CDH13: variants seen among roughly 807,000 people sequenced by gnomAD.
The protein encoded by CDH13 is cadherin 13.
Under a neutral mutation model 63.8 loss-of-function variants are expected in CDH13, and 24 were observed. The ratio of observed to expected loss-of-function variants is 0.38; its 90% CI spans 0.27 to 0.53. CDH13 has a LOEUF of 0.53. Ranked by LOEUF, CDH13 falls within the 20% of genes least tolerant of loss-of-function variation. CDH13 has a pLI of 0.85. For synonymous variants in CDH13, 503 were observed against 355.3 expected (o/e 1.42, Z -4.67); for missense variants, 1,049 against 903.1 (o/e 1.16, Z -2.07).
chr16:83,212,789 C>T (rs2151780951), intron 4 of CDH13, among the ~76,000 whole-genome samples: 1 of 152,244 alleles, frequency 6.6e-6, no homozygotes, highest in South Asian at 2.1e-4. Context: ...AGCAATTCTC[C>T]CCCTACCCTG....
intron 7 of CDH13, among the ~76,000 whole-genome samples, chr16:83,572,118 A>G (rs1338193840): frequency 6.6e-6 from 1 of 151,930 alleles, no homozygotes; most frequent in Non-Finnish European, 1.5e-5. Flanking sequence ...ATTTATTTTT[A>G]CAGTCATCAT....
At chr16:82,963,595 T>C (rs899067889) in intron 2 of CDH13, among the ~76,000 whole-genome samples, 21 of 152,258 alleles carry the variant, frequency 1.4e-4, no homozygotes, top group Admixed American at 7.8e-4. Flanking sequence ...TATAACTCAT[T>C]CTGTAATGAT....
At chr16:83,317,628 C>G (rs982397901) in intron 5 of CDH13, among the ~76,000 whole-genome samples, 2 of 151,990 alleles carry the variant, frequency 1.3e-5, no homozygotes, top group South Asian at 4.2e-4. Flanking sequence ...TGGTGAAACC[C>G]CATCTCTGCT....
chr16:82,845,626 A>G (rs1351253260), intron 1 of CDH13, among the ~76,000 whole-genome samples: 1 of 152,302 alleles, frequency 6.6e-6, no homozygotes, highest in Non-Finnish European at 1.5e-5. Context: ...AGTGCCTGCC[A>G]CATGGTAGGC....
chr16:83,292,266 A>G (rs891632303), intron 5 of CDH13, among the ~76,000 whole-genome samples: 2 of 151,970 alleles, frequency 1.3e-5, no homozygotes, highest in African/African-American at 2.4e-5. Flanking sequence ...GCACAGTGGG[A>G]CTCTTAGAAG....
intron 5 of CDH13, among the ~76,000 whole-genome samples, chr16:83,238,819 T>C (rs572268731): frequency 2.0e-5 from 3 of 152,278 alleles, no homozygotes; most frequent in East Asian, 3.9e-4. Flanking sequence ...TATATGAAAA[T>C]ATCTCCAAGT....
intron 3 of CDH13, among the ~76,000 whole-genome samples, chr16:83,092,861 A>G (rs1259720113): frequency 6.6e-6 from 1 of 152,204 alleles, no homozygotes; most frequent in African/African-American, 2.4e-5. Context: ...CTCAGTAACT[A>G]TGTGGGTGAA....
chr16:82,765,820 A>G (rs1355621540), intron 1 of CDH13, among the ~76,000 whole-genome samples: 1 of 152,162 alleles, frequency 6.6e-6, no homozygotes, highest in Non-Finnish European at 1.5e-5. Flanking sequence ...ACATAGGACC[A>G]GGCCCTGTAA....
chr16:83,250,665 G>C (rs1905417141), intron 5 of CDH13, among the ~76,000 whole-genome samples: 1 of 152,136 alleles, frequency 6.6e-6, no homozygotes, highest in Non-Finnish European at 1.5e-5. Context: ...AGTGAAATAA[G>C]GGAGATAGGA....
chr16:83,205,765 C>A (rs539192879), intron 4 of CDH13, among the ~76,000 whole-genome samples: 1 of 152,024 alleles, frequency 6.6e-6, no homozygotes, highest in East Asian at 1.9e-4. Flanking sequence ...CCACCACACC[C>A]AGTTAATTTT....
intron 11 of CDH13, among the ~76,000 whole-genome samples, chr16:83,769,620 A>G (rs1597206200): frequency 6.6e-6 from 1 of 152,190 alleles, no homozygotes; most frequent in East Asian, 1.9e-4. Flanking sequence ...GAGTTGGCAT[A>G]CAGTTGAGTT....
At chr16:83,277,402 C>G (rs928745074) in intron 5 of CDH13, among the ~76,000 whole-genome samples, 2 of 152,144 alleles carry the variant, frequency 1.3e-5, no homozygotes, top group African/African-American at 4.8e-5. Flanking sequence ...ATAAGGATCT[C>G]TTTCTGTGGG....
chr16:82,677,551 T>A (rs1425106813), intron 1 of CDH13, among the ~76,000 whole-genome samples: 1 of 151,242 alleles, frequency 6.6e-6, no homozygotes, highest in Non-Finnish European at 1.5e-5. Context: ...AAATTACTGC[T>A]GTGTAGATAA....
At chr16:83,096,678 G>T (rs1397187792) in intron 3 of CDH13, among the ~76,000 whole-genome samples, 1 of 152,170 alleles carries the variant, frequency 6.6e-6, no homozygotes, top group African/African-American at 2.4e-5. Context: ...AACTCCCTTG[G>T]ACTGAGTGCA....
intron 2 of CDH13, among the ~76,000 whole-genome samples, chr16:82,980,789 T>G (rs889241556): frequency 5.9e-5 from 9 of 152,314 alleles, no homozygotes; most frequent in African/African-American, 2.2e-4. Context: ...TGGTCCTCAT[T>G]TTTCAACACA....
intron 2 of CDH13, among the ~76,000 whole-genome samples, chr16:82,907,937 A>T (rs922865553): frequency 3.9e-5 from 6 of 152,016 alleles, no homozygotes; most frequent in Non-Finnish European, 7.4e-5. Context: ...TCTTCAAAAA[A>T]TTTTTTTCCA....
chr16:83,159,567 T>C (rs868496912), intron 4 of CDH13, among the ~76,000 whole-genome samples: 3 of 152,304 alleles, frequency 2.0e-5, no homozygotes, highest in Middle Eastern at 6.8e-3. Context: ...CTCTGAAATT[T>C]TGAGCACATG....
At position 82,978,948 on chromosome 16, in the gene CDH13, G is replaced by A. The variant is rs200213399; in HGVS notation, c.158-53062G>A. Among the ~76,000 whole-genome samples, 3 of 152,324 alleles carry A rather than the reference G, an allele frequency of 2.0e-5. No homozygotes were observed. In the East Asian group the frequency reaches 5.8e-4, roughly 29 times the overall value. ...AAGCTAGCCATGAAAGCAGCCGGGA[G>A]GGGGGTTGTACCCTGCAAAGCCACA... On this transcript the variant is annotated intron_variant, in intron 2 of 13. Coordinates refer to ENST00000567109, the MANE Select transcript of CDH13 (RefSeq NM_001257.5).
intron 2 of CDH13, among the ~76,000 whole-genome samples, chr16:83,007,923 CA>C (rs1360546229): frequency 6.6e-6 from 1 of 152,036 alleles, no homozygotes; most frequent in Non-Finnish European, 1.5e-5. Flanking sequence ...GGCCAAACAA[CA>C]TTAAGTCAGG....
Sources: gnomAD v4.1 joint callset for allele counts (sites outside exome capture counted in the v4.1 genomes callset) on GRCh38, gnomAD v4.1.1 for gene constraint, MANE v1.5 for transcripts, NCBI Gene and HGNC (gene_info 2026-07-23, HGNC 2026-07-21) for gene names.